CDC42BPB: variants seen among roughly 807,000 people sequenced by gnomAD.
CDC42BPB encodes the protein serine/threonine-protein kinase MRCK beta.
A neutral mutation model predicts 214.9 loss-of-function variants in CDC42BPB; 37 were observed. That is an observed-to-expected ratio of 0.17 (90% confidence interval 0.13 to 0.23). CDC42BPB has a LOEUF of 0.23. CDC42BPB is among the 10% of genes least tolerant of loss of function. The pLI is 1.00. For synonymous variants in CDC42BPB, 931 were observed against 884.0 expected (o/e 1.05, Z -0.94); for missense variants, 1,694 against 2,227.0 (o/e 0.76, Z 4.82).
intron 8 of CDC42BPB, among the ~76,000 whole-genome samples, chr14:102,979,542 G>A (rs1893907431): frequency 6.6e-6 from 1 of 151,918 alleles, no homozygotes; most frequent in Non-Finnish European, 1.5e-5. Flanking sequence ...CCCTACAAGG[G>A]GTACTTCATA....
In CDC42BPB at chr14:103,001,618, C is replaced by G. The variant is rs1443608935; in HGVS notation, c.448-1905G>C. On this transcript the variant is annotated intron_variant, in intron 4 of 36. Transcript: ENST00000361246. The surrounding 1 kb of genome is among the most constrained non-coding windows in gnomAD (Gnocchi z 5.8). ...TGTTCCCCAGCTACGTTCAGAAGCC[C>G]AGGCACCGAGGTGCCACTGCGTGTG... Among the ~76,000 whole-genome samples, 3 of 152,192 alleles carry G rather than the reference C, an allele frequency of 2.0e-5. No homozygotes were observed. Among genetic ancestry groups the G allele is most frequent in the Non-Finnish European group, 4.4e-5 (3 of 68,030 alleles).
In CDC42BPB at chr14:102,939,606, G is replaced by A. The variant is rs572199745; in HGVS notation, c.4827+4C>T. On this transcript the variant is annotated splice_donor_region_variant and intron_variant, in intron 34 of 36. Coordinates refer to ENST00000361246, the MANE Select transcript of CDC42BPB (RefSeq NM_006035.4). ...TGCCCGCCCTATCCCGGCCGTGCAC[G>A]CACCAGAGGCAGGTCCATGAGCACC... The A allele has an allele frequency of 2.4e-5, 38 of 1,606,192 alleles. No homozygotes were observed. Among genetic ancestry groups the A allele is most frequent in the Non-Finnish European group, 2.9e-5 (34 of 1,172,974 alleles).
intron 28 of CDC42BPB, among the ~76,000 whole-genome samples, chr14:102,946,187 A>AT (rs1321636684): frequency 4.0e-5 from 6 of 150,622 alleles, no homozygotes; most frequent in African/African-American, 1.5e-4. Flanking sequence ...TTTTATTTTT[A>AT]TTTTTATTTT....
At chr14:102,940,183 C>T (rs1489297016) in intron 31 of CDC42BPB, 44 bp downstream of exon 31, 34 of 1,612,996 alleles carry the variant, frequency 2.1e-5, no homozygotes, top group South Asian at 7.7e-5. Flanking sequence ...CAGACTGCAC[C>T]GGGAGAAGCC....
chr14:102,987,572 G>A (rs192406658), intron 5 of CDC42BPB, among the ~76,000 whole-genome samples: 179 of 152,062 alleles, frequency 1.2e-3, no homozygotes, highest in Non-Finnish European at 2.4e-3. Flanking sequence ...GAAAACAGAC[G>A]GGTACCAACT....
At position 102,975,928 on chromosome 14, in the gene CDC42BPB, G is replaced by A. The variant is rs765630243; in HGVS notation, c.1342C>T (p.Arg448Trp). Residue 448 changes from arginine to tryptophan, a missense_variant, in exon 10 of 37, where the codon CGG becomes TGG. Physicochemically the swap from Arg to Trp is moderately radical, Grantham distance 101. This residue lies in a region of CDC42BPB where 462 missense variants were observed against 513.5 expected (regional missense o/e 0.90). Coordinates refer to ENST00000361246, the MANE Select transcript of CDC42BPB (RefSeq NM_006035.4). ...TCCAGCTTCTCCTGTTCCAGCCTCC[G>A]AATCCTCCTCTCGTAAGCTTCCATC... ...LQMEAYERRI[R>W]RLEQEKLELS... The A allele has an allele frequency of 3.7e-6, 6 of 1,614,016 alleles. No individual in the cohort carries two copies. The highest frequency in any genetic ancestry group is 4.2e-6 in the Non-Finnish European group (5 of 1,180,024).
chr14:103,056,777 G>A lies in CDC42BPB; in HGVS notation c.175+222C>T, dbSNP rs537677249. On this transcript the variant is annotated intron_variant, in intron 1 of 36. Coordinates refer to ENST00000361246, the MANE Select transcript of CDC42BPB (RefSeq NM_006035.4). ...GTCGAGCCTAGGGAGGGCAAGGAGG[G>A]ATGAAAAGCTAGCGGAGGGACGAGG... Among the ~76,000 whole-genome samples, 9 of 152,240 alleles carry A rather than the reference G, an allele frequency of 5.9e-5. No homozygotes were observed. In the East Asian group the frequency reaches 7.7e-4, roughly 13 times the overall value.
chr14:102,932,842 A>T lies in CDC42BPB; in HGVS notation c.*870T>A, dbSNP rs1302323341. ...GGTCTACGTGATCATACGGGCTACT[A>T]ATCACGGGGGCTCCATGCGGGGGCA... On this transcript the variant is annotated 3_prime_UTR_variant, in exon 37 of 37. Coordinates refer to ENST00000361246, the MANE Select transcript of CDC42BPB (RefSeq NM_006035.4). 1 of 130,162 alleles carries T rather than the reference A, an allele frequency of 7.7e-6. No individual in the cohort carries two copies. The highest frequency in any genetic ancestry group is 1.6e-5 in the Non-Finnish European group (1 of 62,982). 8.1% of individuals were successfully genotyped at this position (130,162 alleles called of 1,614,324 possible). A position where few individuals can be genotyped will look rare whatever the true frequency, so the allele number is the denominator to read the frequency against.
chr14:102,940,502 T>G, intron 30 of CDC42BPB, 178 bp from the exon 31 acceptor site: 1 of 1,442,708 alleles, frequency 6.9e-7, no homozygotes, highest in Non-Finnish European at 9.1e-7. Flanking sequence ...CATTTCAAAG[T>G]TTAAACAAAC....
At chr14:103,014,827 A>T (rs1452840700) in intron 1 of CDC42BPB, among the ~76,000 whole-genome samples, 1 of 152,212 alleles carries the variant, frequency 6.6e-6, no homozygotes, top group Non-Finnish European at 1.5e-5. Flanking sequence ...GCTGCACTCC[A>T]GCCTGGGCGA....
At chr14:103,015,214 G>A (rs1291470531) in intron 1 of CDC42BPB, among the ~76,000 whole-genome samples, 1 of 152,186 alleles carries the variant, frequency 6.6e-6, no homozygotes, top group African/African-American at 2.4e-5. Flanking sequence ...TCCCAAATCA[G>A]AGGGCAAAGG....
chr14:103,053,572 T>A (rs371071870), intron 1 of CDC42BPB, among the ~76,000 whole-genome samples: 1 of 151,004 alleles, frequency 6.6e-6, no homozygotes, highest in Non-Finnish European at 1.5e-5. Context: ...CCATCCTGGC[T>A]AACACGGTGA....
chr14:102,995,192 G>C (rs1275901514), intron 5 of CDC42BPB, among the ~76,000 whole-genome samples: 2 of 123,964 alleles, frequency 1.6e-5, no homozygotes, highest in African/African-American at 6.0e-5. Flanking sequence ...TTTTTTTTTT[G>C]AGACAGAGTA....
At chr14:102,961,199 A>AATCC (rs1247239412) in intron 20 of CDC42BPB, among the ~76,000 whole-genome samples, 1 of 151,998 alleles carries the variant, frequency 6.6e-6, no homozygotes, top group Non-Finnish European at 1.5e-5. Flanking sequence ...TCAATCAATC[A>AATCC]ATCATGAAGC....
intron 2 of CDC42BPB, among the ~76,000 whole-genome samples, chr14:103,010,265 C>T (rs910779251): frequency 1.3e-5 from 2 of 152,040 alleles, no homozygotes; most frequent in Non-Finnish European, 2.9e-5. Context: ...CCAGCCTGGG[C>T]GACAGAGCAA....
At chr14:103,005,519 G>A (rs1460358225) in intron 3 of CDC42BPB, among the ~76,000 whole-genome samples, 2 of 151,490 alleles carry the variant, frequency 1.3e-5, no homozygotes, top group Non-Finnish European at 2.9e-5. Flanking sequence ...ACCAGCCTGG[G>A]CAACATAGTG....
chr14:103,024,080 G>C (rs1376586699), intron 1 of CDC42BPB, among the ~76,000 whole-genome samples: 1 of 152,214 alleles, frequency 6.6e-6, no homozygotes, highest in Non-Finnish European at 1.5e-5. Flanking sequence ...TACAACGCCA[G>C]AGTAGTCCTA....
At chr14:103,005,525 T>G (rs954654396) in intron 3 of CDC42BPB, among the ~76,000 whole-genome samples, 1 of 149,994 alleles carries the variant, frequency 6.7e-6, no homozygotes, top group African/African-American at 2.5e-5. Flanking sequence ...CTGGGCAACA[T>G]AGTGAGACTC....
In CDC42BPB at chr14:102,944,263, C is replaced by CA; in HGVS notation, c.4035dup (p.Val1346CysfsTer11). 1 of 1,613,280 alleles carries CA rather than the reference C, an allele frequency of 6.2e-7. No individual in the cohort carries two copies. The highest frequency in any genetic ancestry group is 8.5e-7 in the Non-Finnish European group (1 of 1,180,046). ...CAAAGGATCAGCCGTTTCACGGCCA[C>CA]AAACAGGCAGGTGCCAGAGTTCCTC... is the stretch of plus-strand genomic sequence containing the variant. On this transcript the variant is annotated frameshift_variant, in exon 30 of 37. Coordinates refer to ENST00000361246, the MANE Select transcript of CDC42BPB (RefSeq NM_006035.4). LOFTEE classifies it high-confidence loss of function. The surrounding 1 kb of genome is among the most constrained non-coding windows in gnomAD (Gnocchi z 6.6).
Sources: gnomAD v4.1 joint callset for allele counts (sites outside exome capture counted in the v4.1 genomes callset) on GRCh38, gnomAD v4.1.1 for gene constraint, gnomAD v4.1.1 regional missense constraint, Gnocchi (gnomAD v3.1) non-coding constraint, MANE v1.5 for transcripts, NCBI Gene and HGNC (gene_info 2026-07-23, HGNC 2026-07-21) for gene names.